Variants in HELLS observed in about 807,000 individuals in gnomAD.
HELLS encodes lymphoid-specific helicase.
Under a neutral mutation model 120.0 loss-of-function variants are expected in HELLS, and 32 were observed. The ratio of observed to expected loss-of-function variants is 0.27; its 90% CI spans 0.20 to 0.36. HELLS has a LOEUF of 0.36. Among genes scored for constraint, HELLS ranks in the 10% least tolerant of loss-of-function variants. The probability of loss-of-function intolerance (pLI) is 1.00; values close to 1 mark genes in which losing one functional copy is unlikely to be tolerated. For synonymous variants in HELLS, 341 were observed against 323.4 expected, an observed-to-expected ratio of 1.05 and a Z score of -0.58; for missense variants, 650 against 993.4, an observed-to-expected ratio of 0.65 and a Z score of 4.65.
chr10:94,591,593 G>A (rs1845494098), intron 15 of HELLS, among the ~76,000 whole-genome samples: 1 of 152,184 alleles, frequency 6.6e-6, no homozygotes, highest in Non-Finnish European at 1.5e-5. Context: ...CTACCCATTA[G>A]ATGCCACTAG....
chr10:94,567,363 A>G (rs1843861076), intron 6 of HELLS, among the ~76,000 whole-genome samples: 2 of 151,988 alleles, frequency 1.3e-5, no homozygotes, highest in South Asian at 2.1e-4. Context: ...CAATGGCGCC[A>G]TCTCGGCTCA....
At chr10:94,546,521 C>T (rs1358441192) in intron 2 of HELLS, 23 bp downstream of exon 2, 1 of 1,613,460 alleles carries the variant, frequency 6.2e-7, no homozygotes, top group South Asian at 1.1e-5. Context: ...TCAGGTTCGT[C>T]GTCGTGAAAG....
Position 94,593,633 on chromosome 10 carries a change from C to A in HELLS, c.2088+18C>A. 1 of 1,344,388 alleles carries A rather than the reference C, an allele frequency of 7.4e-7. No individual in the cohort carries two copies. The highest frequency in any genetic ancestry group is 1.1e-6 in the Non-Finnish European group (1 of 935,038). The allele number at this position is 1,344,388 out of a possible 1,614,324, so 83.3% of individuals were successfully genotyped here. On this transcript the variant is annotated intron_variant, in intron 18 of 21. Coordinates refer to ENST00000348459, the MANE Select transcript of HELLS (RefSeq NM_018063.5). ...GTGATTGGGTAAGTTGGAAGTATAG[C>A]AAGGAATATGCTGATTATATTTCCA...
chr10:94,546,282 G>T, intron 1 of HELLS, 95 bp from the exon 2 acceptor site: 1 of 1,471,786 alleles, frequency 6.8e-7, no homozygotes, highest in Non-Finnish European at 9.4e-7. Flanking sequence ...TTTTGCTCCA[G>T]TGCATCTCGG....
chr10:94,569,685 C>G (rs1407411807), intron 6 of HELLS: 2 of 152,184 alleles, frequency 1.3e-5, no homozygotes, highest in Non-Finnish European at 2.9e-5. Flanking sequence ...CTCACATGAT[C>G]CTCCTGCCTC....
intron 6 of HELLS, chr10:94,570,611 A>T (rs920465226): frequency 6.6e-6 from 1 of 151,958 alleles, no homozygotes; most frequent in Non-Finnish European, 1.5e-5. Context: ...ATCTTGAATG[A>T]TGAAGCCTGG....
intron 8 of HELLS, 151 bp from the exon 9 acceptor site, chr10:94,574,403 T>C (rs765767138): frequency 7.5e-5 from 54 of 717,004 alleles, no homozygotes; most frequent in Non-Finnish European, 1.1e-4. Flanking sequence ...TAAAGGACTT[T>C]CCAGTGTTGT....
intron 6 of HELLS, among the ~76,000 whole-genome samples, chr10:94,565,442 C>G (rs769602146): frequency 3.3e-5 from 5 of 152,192 alleles, no homozygotes; most frequent in Non-Finnish European, 5.9e-5. Flanking sequence ...TAAACCCCGG[C>G]GCTTTGGGAG....
intron 12 of HELLS, among the ~76,000 whole-genome samples, chr10:94,586,357 G>A (rs1162333885): frequency 6.6e-6 from 1 of 152,100 alleles, no homozygotes; most frequent in Non-Finnish European, 1.5e-5. Context: ...TCCTGACCTC[G>A]TGATCCGCCT....
At chr10:94,582,865 G>A (rs558755868) in intron 11 of HELLS, 98 bp from the exon 12 acceptor site, 9 of 619,822 alleles carry the variant, frequency 1.5e-5, no homozygotes, top group East Asian at 5.9e-5. Context: ...ACAATACCAC[G>A]TTTCATTATC....
chr10:94,564,686 A>C (rs1287790513), intron 6 of HELLS, among the ~76,000 whole-genome samples: 2 of 151,858 alleles, frequency 1.3e-5, no homozygotes, highest in Non-Finnish European at 1.5e-5. Flanking sequence ...ATCTCGGCTC[A>C]CTGCTACAAG....
chr10:94,590,480 G>A lies in HELLS; in HGVS notation c.1556G>A (p.Ser519Asn). 6.2e-7 allele frequency: 1 copy of A among 1,612,582 alleles called. No homozygotes were observed. Among genetic ancestry groups the A allele is most frequent in the Non-Finnish European group, 8.5e-7 (1 of 1,179,584 alleles). The change falls in exon 14 of 22, where the codon AGC (serine) becomes AAC (asparagine). Residue 519 changes from serine (S) to asparagine (N), a missense_variant. Physicochemically the swap from Ser to Asn is conservative, Grantham distance 46. This residue lies in a region of HELLS where 191 missense variants were observed against 259.7 expected (regional missense o/e 0.74). Coordinates refer to ENST00000348459, the MANE Select transcript of HELLS (RefSeq NM_018063.5). ...KRRTRKSINY[S>N]KIDDFPNELE... ...CGAACTAGAAAATCAATAAATTACA[G>A]CAAAATAGATGATTTCCCTAATGAA...
intron 10 of HELLS, among the ~76,000 whole-genome samples, chr10:94,580,154 T>A (rs1254406911): frequency 8.3e-5 from 4 of 48,132 alleles, no homozygotes; most frequent in African/African-American, 5.0e-4. Context: ...TATATATATA[T>A]ATATATATAC....
intron 6 of HELLS, among the ~76,000 whole-genome samples, chr10:94,564,016 C>T (rs1263093449): frequency 6.6e-6 from 1 of 152,020 alleles, no homozygotes; most frequent in Non-Finnish European, 1.5e-5. Context: ...CAGTGTGTTG[C>T]CCAGGCTGAT....
intron 3 of HELLS, chr10:94,557,249 C>A: frequency 3.0e-6 from 1 of 334,514 alleles, no homozygotes; most frequent in Non-Finnish European, 6.1e-6. Flanking sequence ...CCATCACCCA[C>A]ATTTAAAAAT....
chr10:94,546,558 G>C, intron 2 of HELLS, 60 bp downstream of exon 2: 2 of 1,603,538 alleles, frequency 1.2e-6, no homozygotes, highest in Non-Finnish European at 1.7e-6. Context: ...CTTTAACCCG[G>C]AGGTGTGGTT....
intron 4 of HELLS, 24 bp from the exon 5 acceptor site, chr10:94,562,667 A>C: frequency 6.6e-7 from 1 of 1,523,516 alleles, no homozygotes; most frequent in East Asian, 2.3e-5. Context: ...AATAAAATCA[A>C]TATTCTGAAT....
rs779718210 is a variant in HELLS at position 94,594,706 on chromosome 10, G to T, written c.2100G>T (p.Ser700=). 6.2e-7 allele frequency: 1 copy of T among 1,604,048 alleles called. No homozygotes were observed. Among genetic ancestry groups the T allele is most frequent in the Non-Finnish European group, 8.5e-7 (1 of 1,176,228 alleles). ...IIYDSDWNPQ[S]DLQAQDRCHR... ...TTTTTAACTTTAAGAACCCCCAGTC[G>T]GATCTTCAGGCCCAGGATAGATGTC... The change falls in exon 19 of 22, where the codon TCG becomes TCT. Residue 700 remains serine, a synonymous_variant. Coordinates refer to ENST00000348459, the MANE Select transcript of HELLS (RefSeq NM_018063.5).
intron 4 of HELLS, among the ~76,000 whole-genome samples, chr10:94,560,188 C>T (rs940915906): frequency 1.3e-5 from 2 of 152,054 alleles, no homozygotes; most frequent in Non-Finnish European, 2.9e-5. Context: ...CCTGCCAGCA[C>T]ACCCGGCTAA....
Sources: allele counts gnomAD v4.1 joint callset (sites outside exome capture counted in the v4.1 genomes callset), GRCh38; gene constraint gnomAD v4.1.1; regional missense constraint gnomAD v4.1.1; transcripts MANE v1.5; gene names NCBI Gene and HGNC (gene_info 2026-07-23, HGNC 2026-07-21).